The following ANKFN1 variants were observed in gnomAD, a reference collection of about 807,000 sequenced individuals.
ANKFN1 encodes the protein ankyrin repeat and fibronectin type-III domain-containing protein 1.
Under a neutral mutation model 108.7 loss-of-function variants are expected in ANKFN1, and 74 were observed. The ratio of observed to expected loss-of-function variants is 0.68; its 90% CI spans 0.56 to 0.83. The LOEUF (loss-of-function observed/expected upper bound fraction) is 0.83. Ranked by LOEUF, ANKFN1 falls within the 40% of genes least tolerant of loss-of-function variation. ANKFN1 has a pLI of 0.00. For missense variants in ANKFN1, 1,505 were observed against 1,382.3 expected (o/e 1.09, Z -1.41); for synonymous variants, 547 against 516.2 (o/e 1.06, Z -0.81).
chr17:56,178,778 G>C (rs4794626), intron 1 of ANKFN1, among the ~76,000 whole-genome samples: 47,925 of 151,902 alleles, frequency 0.32, 9,040 homozygotes, highest in East Asian at 0.51. Context: ...CTTCTCAGAC[G>C]TTTAATATGC....
At chr17:56,142,563 C>G (rs1907990651) in intron 4 of ANKFN1, among the ~76,000 whole-genome samples, 1 of 152,186 alleles carries the variant, frequency 6.6e-6, no homozygotes, top group African/African-American at 2.4e-5. Context: ...GAATGAAATT[C>G]AGACCCTGGA....
chr17:56,144,111 C>A (rs1416715137), intron 4 of ANKFN1, among the ~76,000 whole-genome samples: 2 of 141,800 alleles, frequency 1.4e-5, no homozygotes, highest in Non-Finnish European at 3.0e-5. Flanking sequence ...ATCTTTGGAT[C>A]CCTCCAGCCT....
chr17:56,326,914 T>A (rs886798524), intron 4 of ANKFN1, among the ~76,000 whole-genome samples: 1 of 152,208 alleles, frequency 6.6e-6, no homozygotes, highest in Non-Finnish European at 1.5e-5. Context: ...ACTGAGGATA[T>A]CTGCCAAGGG....
intron 4 of ANKFN1, among the ~76,000 whole-genome samples, chr17:56,143,712 A>G (rs556147734): frequency 1.3e-5 from 2 of 152,336 alleles, no homozygotes; most frequent in East Asian, 1.9e-4. Flanking sequence ...AAATCCAGTG[A>G]TGCGTCCTTA....
At chr17:56,212,768 C>T (rs116308522) in intron 2 of ANKFN1, among the ~76,000 whole-genome samples, 89 bp downstream of exon 2, 1 of 152,304 alleles carries the variant, frequency 6.6e-6, no homozygotes, top group African/African-American at 2.4e-5. Context: ...CTAGTAGTTC[C>T]AGTGCCTAGC....
At chr17:56,138,638 T>C (rs1164298100) in intron 4 of ANKFN1, among the ~76,000 whole-genome samples, 6 of 151,472 alleles carry the variant, frequency 4.0e-5, no homozygotes, top group African/African-American at 1.5e-4. Context: ...CCCTCCCCAA[T>C]AGCTGGGATT....
At chr17:56,237,563 G>A (rs1917246647) in intron 3 of ANKFN1, among the ~76,000 whole-genome samples, 2 of 152,002 alleles carry the variant, frequency 1.3e-5, no homozygotes, top group Admixed American at 6.6e-5. Context: ...TCTAGTTTCT[G>A]TGCATACAGG....
chr17:56,200,223 G>A (rs1001265312), intron 1 of ANKFN1, among the ~76,000 whole-genome samples: 2 of 152,170 alleles, frequency 1.3e-5, no homozygotes, highest in African/African-American at 2.4e-5. Flanking sequence ...AGTACAGCCA[G>A]TTTTTAAAAT....
At chr17:56,503,544 A>T (rs1457964374) in intron 20 of ANKFN1, among the ~76,000 whole-genome samples, 1 of 134,836 alleles carries the variant, frequency 7.4e-6, no homozygotes, top group Admixed American at 7.3e-5. Flanking sequence ...GTGGTACATT[A>T]AAACTGTGAA....
chr17:56,460,536 T>C (rs1459407412), intron 14 of ANKFN1, among the ~76,000 whole-genome samples: 2 of 151,804 alleles, frequency 1.3e-5, no homozygotes, highest in African/African-American at 4.8e-5. Flanking sequence ...TTCCCCACAC[T>C]CTCCTTCACA....
chr17:56,390,374 A>T (rs550945557), intron 8 of ANKFN1, among the ~76,000 whole-genome samples: 5 of 152,272 alleles, frequency 3.3e-5, no homozygotes, highest in African/African-American at 9.6e-5. Context: ...AAAGGACATG[A>T]TCTCATTCTT....
At chr17:56,400,886 T>A (rs1000678830) in intron 8 of ANKFN1, among the ~76,000 whole-genome samples, 2 of 152,136 alleles carry the variant, frequency 1.3e-5, no homozygotes, top group Non-Finnish European at 2.9e-5. Context: ...TTGTCAAAAA[T>A]CGGTTGGCTG....
At chr17:56,479,390 G>T (rs1401411074) in intron 16 of ANKFN1, among the ~76,000 whole-genome samples, 2 of 152,082 alleles carry the variant, frequency 1.3e-5, no homozygotes, top group Non-Finnish European at 2.9e-5. Context: ...CTCTCATTTT[G>T]TTCCATATCA....
chr17:56,065,212 C>T (rs1251651042), intron 4 of ANKFN1, among the ~76,000 whole-genome samples: 1 of 152,208 alleles, frequency 6.6e-6, no homozygotes, highest in African/African-American at 2.4e-5. Context: ...CATCTTTTCT[C>T]CTGAAGCTTC....
At chr17:56,200,192 A>C (rs1283265744) in intron 1 of ANKFN1, among the ~76,000 whole-genome samples, 4 of 152,238 alleles carry the variant, frequency 2.6e-5, no homozygotes, top group Non-Finnish European at 4.4e-5. Context: ...TAACTGCCAA[A>C]GAATCCAAGA....
intron 2 of ANKFN1, among the ~76,000 whole-genome samples, chr17:56,224,271 G>A (rs145341935): frequency 2.0e-3 from 298 of 152,234 alleles, no homozygotes; most frequent in Non-Finnish European, 3.5e-3. Flanking sequence ...GGTAATTTAC[G>A]TGGTTACCTA....
At chr17:56,215,775 T>G (rs1046186572) in intron 2 of ANKFN1, 3 of 152,206 alleles carry the variant, frequency 2.0e-5, no homozygotes, top group Admixed American at 2.0e-4. Flanking sequence ...TGGGGCACCA[T>G]TTTTTCATTT....
chr17:56,262,076 G>A (rs1233655627), intron 3 of ANKFN1, among the ~76,000 whole-genome samples: 1 of 152,132 alleles, frequency 6.6e-6, no homozygotes, highest in Non-Finnish European at 1.5e-5. Context: ...CTCTAGGTCC[G>A]AGCCCTCCAA....
intron 3 of ANKFN1, among the ~76,000 whole-genome samples, chr17:56,314,896 T>C (rs1598395672): frequency 6.8e-6 from 1 of 147,688 alleles, no homozygotes; most frequent in Non-Finnish European, 1.5e-5. Context: ...AGCAACATAA[T>C]TTTTTTTAAT....
Sources: allele counts gnomAD v4.1 joint callset (sites outside exome capture counted in the v4.1 genomes callset), GRCh38; gene constraint gnomAD v4.1.1; transcripts MANE v1.5; gene names NCBI Gene and HGNC (gene_info 2026-07-23, HGNC 2026-07-21).